PIP5K1C: variants seen among roughly 807,000 people sequenced by gnomAD.
The protein encoded by PIP5K1C is phosphatidylinositol-4-phosphate 5-kinase type 1 gamma.
PIP5K1C carries 45 observed loss-of-function variants against 80.1 expected under a neutral mutation model. That is an observed-to-expected ratio of 0.56 (90% CI 0.44 to 0.72). PIP5K1C has a LOEUF of 0.72. PIP5K1C is among the 30% of genes least tolerant of loss of function. The probability of loss-of-function intolerance (pLI) is 0.00; values close to 1 mark genes in which losing one functional copy is unlikely to be tolerated. For synonymous variants in PIP5K1C, 498 were observed against 420.1 expected (o/e 1.19, Z -2.27); for missense variants, 753 against 954.6 (o/e 0.79, Z 2.78).
At chr19:3,643,162 GCCCCGCCCACA>G in intron 13 of PIP5K1C, 70 bp downstream of exon 13, 1 of 1,593,266 alleles carries the variant, frequency 6.3e-7, no homozygotes, top group South Asian at 1.1e-5. Context: ...CACAGCGGAT[GCCCCGCCCACA>G]TGCAGTGAAT....
chr19:3,684,917 C>T (rs1489385499), intron 1 of PIP5K1C, among the ~76,000 whole-genome samples: 1 of 152,222 alleles, frequency 6.6e-6, no homozygotes, highest in African/African-American at 2.4e-5. Flanking sequence ...ACACGTGAAT[C>T]TTAGAAGGTT....
intron 1 of PIP5K1C, among the ~76,000 whole-genome samples, chr19:3,679,741 C>T (rs1045362697): frequency 6.6e-6 from 1 of 152,194 alleles, no homozygotes; most frequent in Non-Finnish European, 1.5e-5. Context: ...CAGGAAGAAG[C>T]ACAGGCTTGG....
At chr19:3,636,432 C>A in intron 16 of PIP5K1C, 1 of 985,452 alleles carries the variant, frequency 1.0e-6, no homozygotes, top group Non-Finnish European at 1.2e-6. Flanking sequence ...AGACCACCCT[C>A]CCCACGTCTG....
At chr19:3,676,965 G>A (rs2035378509) in intron 1 of PIP5K1C, among the ~76,000 whole-genome samples, 1 of 151,994 alleles carries the variant, frequency 6.6e-6, no homozygotes, top group African/African-American at 2.4e-5. Context: ...AGCCAGGAGT[G>A]GTGGTGCACA....
intron 1 of PIP5K1C, among the ~76,000 whole-genome samples, chr19:3,693,355 C>T (rs2036000596): frequency 6.6e-6 from 1 of 152,174 alleles, no homozygotes; most frequent in African/African-American, 2.4e-5. Flanking sequence ...GCTCAGGCAC[C>T]TGGGGGCCCT....
intron 1 of PIP5K1C, among the ~76,000 whole-genome samples, chr19:3,678,283 T>TGGAGGGATGGAGGGATGGAGGGAC (rs2035456241): frequency 3.6e-5 from 1 of 27,730 alleles, no homozygotes; most frequent in Non-Finnish European, 6.9e-5. Context: ...AATGGAGGGG[T>TGGAGGGATGGAGGGATGGAGGGAC]GGAGGGATGG....
At chr19:3,699,268 GGGTCACCTACCAAGC>G (rs1433683712) in intron 1 of PIP5K1C, among the ~76,000 whole-genome samples, 3 of 151,010 alleles carry the variant, frequency 2.0e-5, no homozygotes, top group Non-Finnish European at 4.4e-5. Flanking sequence ...GGAAGGAACC[GGGTCACCTACCAAGC>G]GGTTCCAGAT....
In PIP5K1C at chr19:3,694,869, G is replaced by A. The variant is rs771804432; in HGVS notation, c.94+5428C>T. ...CTCACCACACTCATCACCGCCCAAC[G>A]CAGCCCGGCTCTGGGCTGGGCAAAC... On this transcript the variant is annotated intron_variant, in intron 1 of 17. Transcript: ENST00000335312. Among the ~76,000 whole-genome samples the A allele has an allele frequency of 5.4e-4, 82 of 152,174 alleles. 1 individual carries two copies. The highest frequency in any genetic ancestry group is 5.2e-4 in the Admixed American group (8 of 15,286).
chr19:3,697,818 CGGCCCACACAGTGG>C (rs1033294018), intron 1 of PIP5K1C, among the ~76,000 whole-genome samples: 1 of 152,212 alleles, frequency 6.6e-6, no homozygotes, highest in African/African-American at 2.4e-5. Flanking sequence ...CACAGGCCAT[CGGCCCACACAGTGG>C]GCACAGCCGC....
chr19:3,670,324 C>T (rs1568343075), intron 1 of PIP5K1C, among the ~76,000 whole-genome samples: 2 of 152,204 alleles, frequency 1.3e-5, no homozygotes, highest in Non-Finnish European at 2.9e-5. Flanking sequence ...AAGATGAGGT[C>T]ATGCCGGAGT....
chr19:3,695,424 G>A lies in PIP5K1C; in HGVS notation c.94+4873C>T, dbSNP rs555787768. Among the ~76,000 whole-genome samples the A allele has an allele frequency of 6.6e-5, 10 of 152,292 alleles. No individual in the cohort carries two copies. The South Asian group carries it at 2.1e-3, about 32-fold the overall frequency. The stretch of plus-strand genomic sequence containing the variant: ...GGCTGCCTGTCCCGTGCCTTCTAAG[G>A]GCTTTACCCCATGATTCTCCATGCA... On this transcript the variant is annotated intron_variant, in intron 1 of 17. Transcript: ENST00000335312.
intron 3 of PIP5K1C, among the ~76,000 whole-genome samples, chr19:3,663,426 C>T (rs1422632107): frequency 6.6e-6 from 1 of 152,186 alleles, no homozygotes; most frequent in Non-Finnish European, 1.5e-5. Flanking sequence ...GTTCACCTCC[C>T]CGAGATGCCA....
chr19:3,672,579 G>C (rs1568345083), intron 1 of PIP5K1C: 1 of 152,646 alleles, frequency 6.6e-6, no homozygotes, highest in East Asian at 1.9e-4. Context: ...GGGGGAGGAG[G>C]CAGATTGTCA....
At chr19:3,669,903 A>T (rs2035145059) in intron 1 of PIP5K1C, 1 of 152,384 alleles carries the variant, frequency 6.6e-6, no homozygotes, top group Non-Finnish European at 1.5e-5. Flanking sequence ...GCCGGGTCAG[A>T]ACTGCCGGAG....
chr19:3,647,535 G>A, intron 9 of PIP5K1C, 149 bp from the exon 10 acceptor site: 1 of 735,514 alleles, frequency 1.4e-6, no homozygotes, highest in Middle Eastern at 3.3e-4. Flanking sequence ...AGGTGCTCCT[G>A]GCAGGGAGTG....
At chr19:3,679,285 G>GT (rs1321890618) in intron 1 of PIP5K1C, among the ~76,000 whole-genome samples, 3 of 152,016 alleles carry the variant, frequency 2.0e-5, no homozygotes, top group African/African-American at 7.3e-5. Context: ...CCTGTGCCCA[G>GT]GCTCCCCACC....
chr19:3,676,175 A>G (rs1451368889), intron 1 of PIP5K1C, among the ~76,000 whole-genome samples: 1 of 152,122 alleles, frequency 6.6e-6, no homozygotes, highest in Non-Finnish European at 1.5e-5. Context: ...TAACCCATAC[A>G]GGCCTGGCAT....
chr19:3,661,776 T>G, intron 4 of PIP5K1C, 95 bp downstream of exon 4: 1 of 1,495,482 alleles, frequency 6.7e-7, no homozygotes, highest in Non-Finnish European at 9.2e-7. Flanking sequence ...GGCCAGGTGC[T>G]GCTTTCAGCA....
At chr19:3,641,569 CT>C in intron 15 of PIP5K1C, 135 bp downstream of exon 15, 1 of 713,794 alleles carries the variant, frequency 1.4e-6, no homozygotes, top group Non-Finnish European at 2.5e-6. Flanking sequence ...AAAAAATAAA[CT>C]TATGGGAAAA....
Sources: gnomAD v4.1 joint callset for allele counts (sites outside exome capture counted in the v4.1 genomes callset) on GRCh38, gnomAD v4.1.1 for gene constraint, MANE v1.5 for transcripts, NCBI Gene and HGNC (gene_info 2026-07-23, HGNC 2026-07-21) for gene names.